Variants in CLUL1 observed in about 807,000 individuals in gnomAD.
The protein encoded by CLUL1 is clusterin-like protein 1.
CLUL1 carries 43 observed loss-of-function variants against 49.4 expected under a neutral mutation model. The ratio of observed to expected loss-of-function variants is 0.87; its 90% CI spans 0.68 to 1.12. The LOEUF is 1.12. CLUL1 is among the 50% of genes most tolerant of loss of function. The pLI, the probability that CLUL1 is intolerant of heterozygous loss-of-function variation, is 0.00. For synonymous variants in CLUL1, 192 were observed against 184.9 expected, an observed-to-expected ratio of 1.04 and a Z score of -0.31; for missense variants, 486 against 544.4, an observed-to-expected ratio of 0.89 and a Z score of 1.07.
At chr18:604,533 A>G (rs961791081) in intron 1 of CLUL1, among the ~76,000 whole-genome samples, 1 of 152,258 alleles carries the variant, frequency 6.6e-6, no homozygotes, top group African/African-American at 2.4e-5. Context: ...ATTTTGTTTC[A>G]TACATATATT....
intron 7 of CLUL1, among the ~76,000 whole-genome samples, chr18:637,342 G>T (rs1045364332): frequency 6.6e-6 from 1 of 152,064 alleles, no homozygotes; most frequent in Non-Finnish European, 1.5e-5. Flanking sequence ...TAGTGAGGAA[G>T]TCAGGTTACA....
intron 5 of CLUL1, among the ~76,000 whole-genome samples, chr18:626,884 AAAG>A (rs2073747680): frequency 4.7e-3 from 1 of 212 alleles, no homozygotes; most frequent in East Asian, 0.5. Flanking sequence ...AGAAAGAAAG[AAAG>A]AAAGAAAGAA....
intron 7 of CLUL1, among the ~76,000 whole-genome samples, chr18:636,624 CTTT>C (rs68150473): frequency 1.6e-5 from 2 of 122,050 alleles, no homozygotes; most frequent in Admixed American, 8.8e-5. Context: ...CCCTTTCTCT[CTTT>C]TTTTTTTTTT....
chr18:615,478 G>A (rs971167410), intron 2 of CLUL1, among the ~76,000 whole-genome samples: 1 of 152,186 alleles, frequency 6.6e-6, no homozygotes, highest in African/African-American at 2.4e-5. Flanking sequence ...ACACGCAGAT[G>A]CCAGCCTTGA....
rs1234502288 is a variant in CLUL1 at position 627,375 on chromosome 18, A to G, written c.702A>G (p.Lys234=). 1 of 1,614,208 alleles carries G rather than the reference A, an allele frequency of 6.2e-7. No individual in the cohort carries two copies. The highest frequency in any genetic ancestry group is 1.3e-5 in the African/African-American group (1 of 75,058). Residue 234 remains lysine (K), a synonymous_variant, in exon 6 of 10, where the codon AAA becomes AAG. Transcript: ENST00000692774. ...TEPYFFPAFS[K]EPMTKADLEQ... The stretch of plus-strand genomic sequence containing the variant: ...CTTACTTTTTTCCAGCTTTCTCTAA[A>G]GAGCCGATGACAAAAGCAGATCTTG...
chr18:643,366 C>T (rs934639532), intron 8 of CLUL1, among the ~76,000 whole-genome samples: 1 of 152,204 alleles, frequency 6.6e-6, no homozygotes. Context: ...CTCTCTGATT[C>T]TATAACTCTA....
intron 5 of CLUL1, among the ~76,000 whole-genome samples, chr18:626,885 A>G (rs12961418): frequency 0.42 from 473 of 1,120 alleles, 18 homozygotes; most frequent in East Asian, 0.5. Context: ...GAAAGAAAGA[A>G]AGAAAGAAAG....
Position 606,261 on chromosome 18 carries a change from A to C in CLUL1, c.-135-717A>C, listed in dbSNP as rs752449655. On this transcript the variant is annotated intron_variant, in intron 1 of 9. Coordinates refer to ENST00000692774, the MANE Select transcript of CLUL1 (RefSeq NM_001393344.1). The surrounding 1 kb of genome is among the most constrained non-coding windows in gnomAD (Gnocchi z 4.1). ...CCACAACAGGGAGAAGGACGGCCAC[A>C]GTCCCTCAATCCCCCTTTTCCAAGA... Among the ~76,000 whole-genome samples the C allele has an allele frequency of 6.6e-6, 1 of 152,160 alleles. No homozygotes were observed. The highest frequency in any genetic ancestry group is 1.5e-5 in the Non-Finnish European group (1 of 68,024).
At chr18:624,579 A>T (rs1326534612) in intron 4 of CLUL1, among the ~76,000 whole-genome samples, 2 of 152,178 alleles carry the variant, frequency 1.3e-5, no homozygotes, top group Non-Finnish European at 2.9e-5. Flanking sequence ...TTGTCAGGTC[A>T]CCCACACCTA....
At chr18:645,611 C>T (rs937600680) in intron 9 of CLUL1, among the ~76,000 whole-genome samples, 20 of 150,622 alleles carry the variant, frequency 1.3e-4, no homozygotes, top group African/African-American at 4.4e-4. Flanking sequence ...CTGGATAACA[C>T]GGAGAAACTG....
chr18:623,562 T>G (rs991344544), intron 4 of CLUL1, among the ~76,000 whole-genome samples: 2 of 149,246 alleles, frequency 1.3e-5, no homozygotes, highest in African/African-American at 5.0e-5. Context: ...GGAGAATCTC[T>G]TAAACCTGGG....
intron 5 of CLUL1, among the ~76,000 whole-genome samples, chr18:625,956 C>G (rs973533591): frequency 2.0e-5 from 3 of 152,156 alleles, no homozygotes; most frequent in Non-Finnish European, 4.4e-5. Context: ...TAATCAGCAC[C>G]AGCAGGAAGT....
intron 9 of CLUL1, 25 bp downstream of exon 9, chr18:645,122 T>C (rs1469269638): frequency 2.6e-6 from 4 of 1,517,568 alleles, no homozygotes; most frequent in Non-Finnish European, 3.5e-6. Flanking sequence ...TGGTTAGGAA[T>C]GCCTTGTTGA....
chr18:647,897 C>T (rs901578892), intron 9 of CLUL1, among the ~76,000 whole-genome samples: 1 of 152,184 alleles, frequency 6.6e-6, no homozygotes, highest in African/African-American at 2.4e-5. Flanking sequence ...ATCCCGAGAC[C>T]TACAGTCCAT....
chr18:644,653 CT>C lies in CLUL1; in HGVS notation c.1210-256del, dbSNP rs1260066208. Among the ~76,000 whole-genome samples the C allele has an allele frequency of 5.3e-5, 8 of 152,188 alleles. No individual in the cohort carries two copies. The East Asian group carries it at 1.5e-3, about 29-fold the overall frequency. On this transcript the variant is annotated intron_variant, in intron 8 of 9. Transcript: ENST00000692774. ...TTCTGCTGAGGGCACAAAGAAAGTC[CT>C]GAAATCATGTGCTACAGCTATGAGA...
intron 6 of CLUL1, among the ~76,000 whole-genome samples, chr18:632,400 A>C (rs1306549694): frequency 6.6e-6 from 1 of 152,124 alleles, no homozygotes; most frequent in East Asian, 1.9e-4. Context: ...ATAGTAATAA[A>C]ATAACCACCT....
At chr18:641,890 A>G (rs548366550) in intron 8 of CLUL1, among the ~76,000 whole-genome samples, 21 of 152,210 alleles carry the variant, frequency 1.4e-4, no homozygotes, top group Non-Finnish European at 3.1e-4. Flanking sequence ...TGAGTTCAAA[A>G]TTTGACTCTG....
intron 2 of CLUL1, among the ~76,000 whole-genome samples, chr18:607,919 G>C (rs2073025170): frequency 6.6e-6 from 1 of 152,024 alleles, no homozygotes; most frequent in Admixed American, 6.6e-5. Context: ...CCTCTTTGTA[G>C]TAATTAATTA....
chr18:631,628 G>A (rs1324231267), intron 6 of CLUL1, among the ~76,000 whole-genome samples: 1 of 152,158 alleles, frequency 6.6e-6, no homozygotes, highest in African/African-American at 2.4e-5. Flanking sequence ...TACATACCAG[G>A]TATTAATCTA....
Sources: gnomAD v4.1 joint callset for allele counts (sites outside exome capture counted in the v4.1 genomes callset) on GRCh38, gnomAD v4.1.1 for gene constraint, Gnocchi (gnomAD v3.1) non-coding constraint, MANE v1.5 for transcripts, NCBI Gene and HGNC (gene_info 2026-07-23, HGNC 2026-07-21) for gene names.